MBTPS1: variants seen among roughly 807,000 people sequenced by gnomAD.
The protein encoded by MBTPS1 is membrane-bound transcription factor site-1 protease.
Under a neutral mutation model 127.8 loss-of-function variants are expected in MBTPS1, and 94 were observed. The ratio of observed to expected loss-of-function variants is 0.74; its 90% CI spans 0.62 to 0.87. The LOEUF is 0.87. MBTPS1 is among the 40% of genes least tolerant of loss of function. MBTPS1 has a pLI of 0.00. For synonymous variants in MBTPS1, 632 were observed against 509.4 expected (o/e 1.24, Z -3.24); for missense variants, 1,636 against 1,353.2 (o/e 1.21, Z -3.28).
intron 12 of MBTPS1, 143 bp from the exon 13 acceptor site, chr16:84,070,919 T>C (rs967609886): frequency 3.7e-5 from 24 of 653,180 alleles, no homozygotes; most frequent in Non-Finnish European, 5.6e-5. Flanking sequence ...TATACACAGA[T>C]ACTAAGTAAC....
rs2085642087 is a variant in MBTPS1, at chr16:84,063,448, G to A, written c.2432-3C>T. Reference sequence around the variant, plus strand: ...TTCCTGCTTTAAAACCTCCAATCCTGAAACAACACAACAAAAAACAACAGC... The same window carrying A: ...TTCCTGCTTTAAAACCTCCAATCCTAAAACAACACAACAAAAAACAACAGC... On this transcript the variant is annotated splice_polypyrimidine_tract_variant and splice_region_variant and intron_variant, in intron 18 of 22. Coordinates refer to ENST00000343411, the MANE Select transcript of MBTPS1 (RefSeq NM_003791.4). The A allele has an allele frequency of 6.2e-7, 1 of 1,612,062 alleles. No individual in the cohort carries two copies. Among genetic ancestry groups the A allele is most frequent in the Non-Finnish European group, 8.5e-7 (1 of 1,178,390 alleles).
At position 84,054,663 on chromosome 16, in the gene MBTPS1, G is replaced by C. The variant is rs74035120; in HGVS notation, c.2963-18C>G. 129,111 of 1,554,862 alleles carry C rather than the reference G, an allele frequency of 0.083. 7,052 individuals carry two copies. The highest frequency in any genetic ancestry group is 0.24 in the African/African-American group (17,591 of 72,700). ...CATGATCCCTGTAAGAGGACAGCCG[G>C]TTGAACAGGCAGGAACGCCACAGAG... is the stretch of plus-strand genomic sequence containing the variant. On this transcript the variant is annotated intron_variant, in intron 22 of 22. Coordinates refer to ENST00000343411, the MANE Select transcript of MBTPS1 (RefSeq NM_003791.4).
chr16:84,097,767 GA>G (rs1350877649), intron 3 of MBTPS1, among the ~76,000 whole-genome samples: 1 of 152,048 alleles, frequency 6.6e-6, no homozygotes, highest in Non-Finnish European at 1.5e-5. Flanking sequence ...TGGAGTAGCA[GA>G]AAAGGCTCTG....
intron 1 of MBTPS1, among the ~76,000 whole-genome samples, chr16:84,106,954 T>A (rs1223711553): frequency 6.6e-6 from 1 of 152,124 alleles, no homozygotes; most frequent in East Asian, 1.9e-4. Flanking sequence ...GGACCAGTGG[T>A]GCTTGCCCCT....
At chr16:84,100,999 CAAAA>C (rs562200642) in intron 2 of MBTPS1, among the ~76,000 whole-genome samples, 4 of 68,568 alleles carry the variant, frequency 5.8e-5, no homozygotes, top group African/African-American at 1.7e-4. Flanking sequence ...ACTAAAAATA[CAAAA>C]AAAAAAAAAA....
chr16:84,064,934 C>T (rs2085659787), intron 18 of MBTPS1, among the ~76,000 whole-genome samples: 1 of 152,168 alleles, frequency 6.6e-6, no homozygotes, highest in Non-Finnish European at 1.5e-5. Flanking sequence ...TTAACGTCCA[C>T]GTACAGAAAA....
At chr16:84,106,903 A>T (rs2086331632) in intron 1 of MBTPS1, among the ~76,000 whole-genome samples, 1 of 152,194 alleles carries the variant, frequency 6.6e-6, no homozygotes, top group South Asian at 2.1e-4. Flanking sequence ...GGGGGCACAC[A>T]AGTGAGGATT....
chr16:84,059,181 G>T, intron 21 of MBTPS1, 121 bp downstream of exon 21: 1 of 1,325,120 alleles, frequency 7.5e-7, no homozygotes, highest in South Asian at 1.5e-5. Flanking sequence ...TGTCGCAAAT[G>T]ACAAGCTTGA....
intron 5 of MBTPS1, among the ~76,000 whole-genome samples, 155 bp downstream of exon 5, chr16:84,093,556 A>G (rs1355375820): frequency 6.6e-6 from 1 of 152,152 alleles, no homozygotes; most frequent in Non-Finnish European, 1.5e-5. Context: ...ACCTCCCGAC[A>G]TCCTATGAGG....
At position 84,107,551 on chromosome 16, in the gene MBTPS1, A is replaced by G. The variant is rs146597576; in HGVS notation, c.-324-5444T>C. Among the ~76,000 whole-genome samples, 207 of 152,330 alleles carry G rather than the reference A, an allele frequency of 1.4e-3. 1 individual carries two copies. The highest frequency in any genetic ancestry group is 4.9e-3 in the African/African-American group (205 of 41,576). On this transcript the variant is annotated intron_variant, in intron 1 of 22. Transcript: ENST00000343411. Reference sequence around the variant, plus strand: ...TATGGCAACAGATCCTGAGGTTTCTATAGTTTCCCAATCCTAGAATAAGGT... The same window carrying G: ...TATGGCAACAGATCCTGAGGTTTCTGTAGTTTCCCAATCCTAGAATAAGGT...
Position 84,069,907 on chromosome 16 carries a change from G to C in MBTPS1, c.1914C>G (p.Phe638Leu). The C allele has an allele frequency of 6.2e-7, 1 of 1,614,154 alleles. No individual in the cohort carries two copies. The highest frequency in any genetic ancestry group is 1.1e-5 in the South Asian group (1 of 91,070). The change falls in exon 14 of 23, where the codon TTC becomes TTG. Residue 638 changes from phenylalanine (F) to leucine (L), a missense_variant. Coordinates refer to ENST00000343411, the MANE Select transcript of MBTPS1 (RefSeq NM_003791.4). ...YHNLRYPPGY[F>L]PRDNLRMKND... ...TCTTCATCCTTAAATTATCCCTGGGGAAATAGCCAGGTGGATAGCGGAGGT... is the reference window on the plus strand; with the variant it reads ...TCTTCATCCTTAAATTATCCCTGGGCAAATAGCCAGGTGGATAGCGGAGGT...
At chr16:84,091,596 C>G (rs780128594) in intron 7 of MBTPS1, 136 bp downstream of exon 7, 6 of 649,528 alleles carry the variant, frequency 9.2e-6, no homozygotes, top group Non-Finnish European at 1.4e-5. Flanking sequence ...CTGAAGCTCA[C>G]GTCATTAGCC....
At chr16:84,107,118 CA>C (rs2086334446) in intron 1 of MBTPS1, among the ~76,000 whole-genome samples, 1 of 152,098 alleles carries the variant, frequency 6.6e-6, no homozygotes, top group Non-Finnish European at 1.5e-5. Context: ...TCAGAGATGG[CA>C]AAAGACAGAG....
intron 21 of MBTPS1, 38 bp downstream of exon 21, chr16:84,059,264 C>A (rs781521046): frequency 6.3e-7 from 1 of 1,590,716 alleles, no homozygotes; most frequent in African/African-American, 1.3e-5. Flanking sequence ...ACTCACAAGC[C>A]CCGTGGAAAG....
chr16:84,110,567 A>G (rs2086384222), intron 1 of MBTPS1: 1 of 152,384 alleles, frequency 6.6e-6, no homozygotes, highest in East Asian at 1.9e-4. Flanking sequence ...AATCCAAAAT[A>G]AGAAAAACAC....
intron 9 of MBTPS1, chr16:84,086,585 T>C (rs1437337624): frequency 1.3e-5 from 2 of 152,340 alleles, no homozygotes; most frequent in African/African-American, 2.4e-5. Context: ...CAGAAGGCTA[T>C]CCTGTAAAGT....
At chr16:84,098,998 T>C in intron 3 of MBTPS1, 55 bp downstream of exon 3, 1 of 1,513,998 alleles carries the variant, frequency 6.6e-7, no homozygotes, top group Non-Finnish European at 9.0e-7. Flanking sequence ...CTCTGCAGTT[T>C]GAGATTTTCA....
At chr16:84,078,240 C>A (rs2085889860) in intron 11 of MBTPS1, among the ~76,000 whole-genome samples, 1 of 151,934 alleles carries the variant, frequency 6.6e-6, no homozygotes, top group Admixed American at 6.6e-5. Context: ...TCGACCCGGA[C>A]CAGCAGTGCC....
At chr16:84,090,999 CA>C (rs11325729) in intron 7 of MBTPS1, 57 bp from the exon 8 acceptor site, 370,165 of 759,900 alleles carry the variant, frequency 0.49, 46,601 homozygotes, top group East Asian at 0.52. Context: ...ATATAACTGT[CA>C]AAAAAAAAAA....
Sources: allele counts gnomAD v4.1 joint callset (sites outside exome capture counted in the v4.1 genomes callset), GRCh38; gene constraint gnomAD v4.1.1; transcripts MANE v1.5; gene names NCBI Gene and HGNC (gene_info 2026-07-23, HGNC 2026-07-21).